The following SOX6 variants were observed in gnomAD, a reference collection of about 807,000 sequenced individuals.
SOX6 encodes the protein SRY-box transcription factor 6, also known as transcription factor SOX-6.
In SOX6, 11 loss-of-function variants were observed where a neutral mutation model predicts 97.8. The ratio of observed to expected loss-of-function variants is 0.11; its 90% CI spans 0.07 to 0.19. The LOEUF is 0.19. Among genes scored for constraint, SOX6 ranks in the 10% least tolerant of loss-of-function variants. SOX6 has a pLI of 1.00. For synonymous variants in SOX6, 360 were observed against 371.4 expected (o/e 0.97, Z 0.35); for missense variants, 810 against 1,039.5 (o/e 0.78, Z 3.04).
At chr11:16,136,201 G>GTA (rs1445022938) in intron 6 of SOX6, among the ~76,000 whole-genome samples, 1 of 152,016 alleles carries the variant, frequency 6.6e-6, no homozygotes, top group East Asian at 1.9e-4. Flanking sequence ...TTGTATTTTA[G>GTA]TAGAGACGGG....
At chr11:16,444,242 T>C (rs1011535784) in intron 1 of SOX6, among the ~76,000 whole-genome samples, 3 of 152,084 alleles carry the variant, frequency 2.0e-5, no homozygotes, top group Non-Finnish European at 4.4e-5. Flanking sequence ...TAAAAAATGG[T>C]TTATGTCTGT....
intron 2 of SOX6, among the ~76,000 whole-genome samples, chr11:16,729,097 A>G (rs994816833): frequency 2.6e-5 from 4 of 152,194 alleles, no homozygotes; most frequent in Non-Finnish European, 4.4e-5. Flanking sequence ...TACCAAACCT[A>G]CATTTGATGG....
intron 4 of SOX6, among the ~76,000 whole-genome samples, chr11:16,553,276 T>C (rs1353158880): frequency 6.6e-6 from 1 of 152,174 alleles, no homozygotes; most frequent in East Asian, 1.9e-4. Flanking sequence ...GGCTAACTCA[T>C]AGGCTGTGCA....
At chr11:16,475,010 T>A (rs1392747235) in intron 1 of SOX6, among the ~76,000 whole-genome samples, 1 of 152,250 alleles carries the variant, frequency 6.6e-6, no homozygotes, top group South Asian at 2.1e-4. Context: ...TTAAGGAGAC[T>A]GCTATTTTCC....
chr11:16,635,935 T>C (rs894107005), intron 3 of SOX6, among the ~76,000 whole-genome samples: 1 of 152,200 alleles, frequency 6.6e-6, no homozygotes, highest in Non-Finnish European at 1.5e-5. Flanking sequence ...AGAAAATGTA[T>C]AGAAATGGCT....
At chr11:16,485,949 AGGGGAGGGGAGG>A (rs1212412959) in intron 4 of SOX6, among the ~76,000 whole-genome samples, 1 of 1,364 alleles carries the variant, frequency 7.3e-4, no homozygotes, top group African/African-American at 6.7e-3. Flanking sequence ...AGAGGAGGGG[AGGGGAGGGGAGG>A]GGAGGGGAGG....
chr11:16,146,323 C>G (rs1408276163), intron 6 of SOX6, among the ~76,000 whole-genome samples: 1 of 152,190 alleles, frequency 6.6e-6, no homozygotes, highest in Non-Finnish European at 1.5e-5. Context: ...AACTGGATCC[C>G]TTCCTTACAC....
intron 9 of SOX6, among the ~76,000 whole-genome samples, chr11:16,090,891 T>G (rs1192914399): frequency 6.6e-6 from 1 of 152,102 alleles, no homozygotes; most frequent in African/African-American, 2.4e-5. Flanking sequence ...TTACCTATTC[T>G]GATGATGGTT....
chr11:16,390,438 C>A (rs1858138366), intron 1 of SOX6, among the ~76,000 whole-genome samples: 1 of 152,116 alleles, frequency 6.6e-6, no homozygotes, highest in Non-Finnish European at 1.5e-5. Flanking sequence ...ATAGTTGTTA[C>A]CCTCACTCAA....
intron 1 of SOX6, among the ~76,000 whole-genome samples, chr11:16,437,224 G>T (rs1486579671): frequency 6.6e-6 from 1 of 151,508 alleles, no homozygotes; most frequent in Admixed American, 6.6e-5. Flanking sequence ...AGCCATGATT[G>T]TGCCACTGCA....
rs569148815 is a variant in SOX6 at position 16,214,775 on chromosome 11, A to C, written c.535+19807T>G. Among the ~76,000 whole-genome samples, 138 of 105,272 alleles carry C rather than the reference A, an allele frequency of 1.3e-3. 2 individuals are homozygous for C. The highest frequency in any genetic ancestry group is 2.3e-3 in the Non-Finnish European group (122 of 53,316). 69.1% of individuals were successfully genotyped at this position (105,272 alleles called of 152,430 possible). ...TTTTTTTTTTTTTTTTTTGAGACGG[A>C]GTTTCGCTCTTTTGCCCAAGCTGGA... On this transcript the variant is annotated intron_variant, in intron 4 of 15. Coordinates refer to ENST00000683767, the MANE Select transcript of SOX6 (RefSeq NM_001367873.1).
At chr11:16,075,512 T>C (rs1363229411) in intron 9 of SOX6, among the ~76,000 whole-genome samples, 1 of 152,180 alleles carries the variant, frequency 6.6e-6, no homozygotes, top group East Asian at 1.9e-4. Context: ...TGCAGGGACA[T>C]GGATGAAGCT....
intron 3 of SOX6, among the ~76,000 whole-genome samples, chr11:16,272,438 A>G (rs1374207758): frequency 6.6e-6 from 1 of 151,760 alleles, no homozygotes; most frequent in Non-Finnish European, 1.5e-5. Flanking sequence ...CCAAAATTTG[A>G]GGAGCAAAAA....
At chr11:16,367,352 T>A (rs1857385382) in intron 1 of SOX6, among the ~76,000 whole-genome samples, 1 of 152,108 alleles carries the variant, frequency 6.6e-6, no homozygotes, top group Non-Finnish European at 1.5e-5. Flanking sequence ...ATGTTCCAAA[T>A]GCACCCTCCC....
At chr11:16,242,582 A>G (rs1420216028) in intron 3 of SOX6, among the ~76,000 whole-genome samples, 1 of 151,696 alleles carries the variant, frequency 6.6e-6, no homozygotes, top group African/African-American at 2.4e-5. Flanking sequence ...CTTTCTCAAC[A>G]TGATGCAACC....
intron 1 of SOX6, among the ~76,000 whole-genome samples, chr11:16,449,820 C>T (rs1859687401): frequency 6.6e-6 from 1 of 152,150 alleles, no homozygotes; most frequent in South Asian, 2.1e-4. Context: ...GCACTGTGAA[C>T]TGGTAGAATG....
At chr11:16,675,462 A>G (rs1183539110) in intron 3 of SOX6, among the ~76,000 whole-genome samples, 1 of 152,230 alleles carries the variant, frequency 6.6e-6, no homozygotes, top group East Asian at 1.9e-4. Context: ...TAGATATACA[A>G]TTATTGGTTT....
At chr11:16,542,708 C>A (rs1024184472) in intron 4 of SOX6, among the ~76,000 whole-genome samples, 1 of 152,120 alleles carries the variant, frequency 6.6e-6, no homozygotes, top group Non-Finnish European at 1.5e-5. Flanking sequence ...ACCAGTTATG[C>A]AGCTCCATTT....
At chr11:16,468,428 T>C (rs781465360) in intron 1 of SOX6, among the ~76,000 whole-genome samples, 40 of 152,196 alleles carry the variant, frequency 2.6e-4, no homozygotes, top group Non-Finnish European at 5.3e-4. Flanking sequence ...TACTAGTGTG[T>C]AGGATTCAGA....
Sources: gnomAD v4.1 joint callset for allele counts (sites outside exome capture counted in the v4.1 genomes callset) on GRCh38, gnomAD v4.1.1 for gene constraint, MANE v1.5 for transcripts, NCBI Gene and HGNC (gene_info 2026-07-23, HGNC 2026-07-21) for gene names.